The following ADAMTS6 variants were observed in gnomAD, a reference collection of about 807,000 sequenced individuals.
ADAMTS6 encodes A disintegrin and metalloproteinase with thrombospondin motifs 6.
In ADAMTS6, 23 loss-of-function variants were observed where a neutral mutation model predicts 144.3. The ratio of observed to expected loss-of-function variants is 0.16; its 90% CI spans 0.11 to 0.23. The LOEUF is 0.23. ADAMTS6 is among the 10% of genes least tolerant of loss of function. The pLI is 1.00. For synonymous variants in ADAMTS6, 444 were observed against 457.5 expected (o/e 0.97, Z 0.38); for missense variants, 999 against 1,379.6 (o/e 0.72, Z 4.37).
At position 65,223,901 on chromosome 5, in the gene ADAMTS6, G is replaced by A. The variant is rs539239128; in HGVS notation, c.2272+419C>T. Among the ~76,000 whole-genome samples the A allele has an allele frequency of 5.9e-5, 9 of 151,294 alleles. No homozygotes were observed. The South Asian group carries it at 6.3e-4, about 11-fold the overall frequency. Reference sequence around the variant, plus strand: ...TGCAAGCTCTGCCTCCTGGGTTCACGTCATTTTCCTGCCTCAGCCTCCCGA... The same window carrying A: ...TGCAAGCTCTGCCTCCTGGGTTCACATCATTTTCCTGCCTCAGCCTCCCGA... On this transcript the variant is annotated intron_variant, in intron 18 of 24. Transcript: ENST00000381055.
At chr5:65,458,198 T>C (rs1653079952) in intron 4 of ADAMTS6, among the ~76,000 whole-genome samples, 2 of 152,332 alleles carry the variant, frequency 1.3e-5, no homozygotes, top group East Asian at 3.9e-4. Flanking sequence ...TTAAGTAGAT[T>C]CACTGTAAGT....
At chr5:65,304,803 A>G (rs149775708) in intron 9 of ADAMTS6, among the ~76,000 whole-genome samples, 55 of 152,262 alleles carry the variant, frequency 3.6e-4, no homozygotes, top group African/African-American at 1.3e-3. Context: ...TACACCACAT[A>G]AGTAAACAAA....
intron 9 of ADAMTS6, among the ~76,000 whole-genome samples, chr5:65,306,927 T>C (rs537642825): frequency 6.6e-6 from 1 of 152,344 alleles, no homozygotes; most frequent in African/African-American, 2.4e-5. Flanking sequence ...ACTGTGTCAG[T>C]TAAATGTGTT....
chr5:65,188,378 C>A (rs1276966578), intron 21 of ADAMTS6, among the ~76,000 whole-genome samples, 158 bp from the exon 22 acceptor site: 6 of 152,166 alleles, frequency 3.9e-5, no homozygotes, highest in Admixed American at 3.9e-4. Flanking sequence ...AAGGAAAAGA[C>A]CTTTACTGTC....
chr5:65,448,908 A>G (rs1373974030), intron 7 of ADAMTS6, among the ~76,000 whole-genome samples: 1 of 152,214 alleles, frequency 6.6e-6, no homozygotes, highest in Non-Finnish European at 1.5e-5. Flanking sequence ...ATACAAAATC[A>G]TCTGTGGAAT....
In ADAMTS6 at chr5:65,308,712, A is replaced by G. The variant is rs77139840; in HGVS notation, c.1224-8581T>C. On this transcript the variant is annotated intron_variant, in intron 9 of 24. Coordinates refer to ENST00000381055, the MANE Select transcript of ADAMTS6 (RefSeq NM_197941.4). ...AACAGGTCTTCATTCAGTGCATGAGAAAACACTTAGGAATCATGTAAATTT... is the reference window on the plus strand; with the variant it reads ...AACAGGTCTTCATTCAGTGCATGAGGAAACACTTAGGAATCATGTAAATTT... Among the ~76,000 whole-genome samples the G allele has an allele frequency of 7.2e-3, 1,099 of 152,284 alleles. 13 individuals are homozygous for G. Among genetic ancestry groups the G allele is most frequent in the African/African-American group, 0.025 (1,050 of 41,556 alleles).
chr5:65,212,843 A>G (rs1193368001), intron 20 of ADAMTS6, among the ~76,000 whole-genome samples: 1 of 152,170 alleles, frequency 6.6e-6, no homozygotes, highest in Non-Finnish European at 1.5e-5. Context: ...ACTTTAGACT[A>G]TCCTTATTAG....
At chr5:65,470,702 T>A (rs891217002) in intron 3 of ADAMTS6, 76 bp downstream of exon 3, 7 of 1,258,566 alleles carry the variant, frequency 5.6e-6, no homozygotes, top group South Asian at 1.8e-5. Context: ...ATTTTTTTTT[T>A]AATCTGAGGA....
chr5:65,474,017 A>T (rs1178826552), intron 1 of ADAMTS6, 65 bp from the exon 2 acceptor site: 1 of 409,486 alleles, frequency 2.4e-6, no homozygotes, highest in Non-Finnish European at 4.3e-6. Context: ...AGTCCTATAT[A>T]GTACTGAATC....
intron 22 of ADAMTS6, among the ~76,000 whole-genome samples, chr5:65,184,179 T>G (rs1366377905): frequency 2.0e-5 from 3 of 152,250 alleles, no homozygotes; most frequent in African/African-American, 7.2e-5. Context: ...GCATTTATGC[T>G]TCAGCTTAAT....
In ADAMTS6 at chr5:65,397,214, G is replaced by A. The variant is rs547069810; in HGVS notation, c.1073+54261C>T. 1.1e-4 allele frequency among the ~76,000 whole-genome samples: 17 copies of A among 152,028 alleles called. No homozygotes were observed. The South Asian group carries it at 2.3e-3, about 20-fold the overall frequency. On this transcript the variant is annotated intron_variant, in intron 7 of 24. Transcript: ENST00000381055. The stretch of plus-strand genomic sequence containing the variant: ...TTCATTTCTAGTATTAGTAATCTGC[G>A]TCTTTTTTTTCTTAGGCTGGGTAAA...
chr5:65,312,487 T>C (rs1308811641), intron 9 of ADAMTS6, among the ~76,000 whole-genome samples: 2 of 152,068 alleles, frequency 1.3e-5, no homozygotes, highest in African/African-American at 4.8e-5. Context: ...AGGATAATTA[T>C]TACAATTTGC....
At chr5:65,385,522 G>A (rs1246304884) in intron 7 of ADAMTS6, among the ~76,000 whole-genome samples, 1 of 152,154 alleles carries the variant, frequency 6.6e-6, no homozygotes, top group African/African-American at 2.4e-5. Context: ...CAATTGCTAT[G>A]TATAAAGGGC....
intron 14 of ADAMTS6, among the ~76,000 whole-genome samples, chr5:65,245,945 T>C (rs1316283610): frequency 6.6e-6 from 1 of 152,174 alleles, no homozygotes. Flanking sequence ...TATATTTGTT[T>C]GGCAGCATTT....
At chr5:65,319,875 C>T (rs565163535) in intron 9 of ADAMTS6, among the ~76,000 whole-genome samples, 6 of 152,272 alleles carry the variant, frequency 3.9e-5, no homozygotes, top group Non-Finnish European at 8.8e-5. Context: ...AGGAGTTTCA[C>T]TCTTGTTGCC....
In ADAMTS6 at chr5:65,242,132, C is replaced by T. The variant is rs1177878206; in HGVS notation, c.1905G>A (p.Lys635=). The T allele has an allele frequency of 6.9e-6, 11 of 1,603,052 alleles. No individual in the cohort carries two copies. The highest frequency in any genetic ancestry group is 9.4e-6 in the Non-Finnish European group (11 of 1,172,944). Residue 635 remains lysine, a synonymous_variant, in exon 15 of 25, where the codon AAG becomes AAA. Coordinates refer to ENST00000381055, the MANE Select transcript of ADAMTS6 (RefSeq NM_197941.4). ...CAGTATAGGGTTTCCAGTTATAATA[C>T]TTTCCTCGGAAAGGCATATTGTCAA... is the stretch of plus-strand genomic sequence containing the variant. ...ADFDNMPFRG[K]YYNWKPYTGG...
At chr5:65,476,369 T>C (rs1354032753) in intron 1 of ADAMTS6, among the ~76,000 whole-genome samples, 1 of 152,222 alleles carries the variant, frequency 6.6e-6, no homozygotes, top group Non-Finnish European at 1.5e-5. Context: ...TAAATGTGTA[T>C]TGTTTTAACT....
In ADAMTS6 at chr5:65,334,102, G is replaced by A. The variant is rs759940307; in HGVS notation, c.1074-17C>T. 67 of 1,504,952 alleles carry A rather than the reference G, an allele frequency of 4.5e-5. No individual in the cohort carries two copies. Among genetic ancestry groups the A allele is most frequent in the Middle Eastern group, 1.7e-4 (1 of 5,752 alleles). The allele number at this position is 1,504,952 out of a possible 1,614,324, so 93.2% of individuals were successfully genotyped here. On this transcript the variant is annotated splice_polypyrimidine_tract_variant and intron_variant, in intron 7 of 24. Transcript: ENST00000381055. ...ATATCATATCTATGGAGAAAACAGA[G>A]ATGAAATTTGTAATCTGATCAGATT...
chr5:65,193,009 C>T (rs1367126623), intron 21 of ADAMTS6, among the ~76,000 whole-genome samples: 2 of 151,592 alleles, frequency 1.3e-5, no homozygotes, highest in Admixed American at 6.6e-5. Flanking sequence ...ATAAAAAATA[C>T]GATTTAGAAT....
Sources: gnomAD v4.1 joint callset for allele counts (sites outside exome capture counted in the v4.1 genomes callset) on GRCh38, gnomAD v4.1.1 for gene constraint, MANE v1.5 for transcripts, NCBI Gene and HGNC (gene_info 2026-07-23, HGNC 2026-07-21) for gene names.